The following MROH9 variants were observed in gnomAD, a reference collection of about 807,000 sequenced individuals.
MROH9 encodes the protein maestro heat-like repeat-containing protein family member 9.
In MROH9, 92 loss-of-function variants were observed where a neutral mutation model predicts 98.2. The observed-to-expected ratio is 0.94, with a 90% CI of 0.79 to 1.11. The LOEUF (loss-of-function observed/expected upper bound fraction) is 1.11, where lower values mean the gene tolerates loss of function less well. MROH9 is among the 50% of genes most tolerant of loss of function. The pLI is 0.00. For synonymous variants in MROH9, 397 were observed against 368.9 expected, an observed-to-expected ratio of 1.08 and a Z score of -0.87; for missense variants, 1,057 against 1,014.8, an observed-to-expected ratio of 1.04 and a Z score of -0.57.
At chr1:171,018,330 CA>C (rs1288697992) in intron 17 of MROH9, among the ~76,000 whole-genome samples, 3 of 149,822 alleles carry the variant, frequency 2.0e-5, no homozygotes, top group Non-Finnish European at 4.4e-5. Context: ...GCAAGAGAAA[CA>C]AAGAAACAGA....
At chr1:170,973,928 A>G (rs1327780622) in intron 8 of MROH9, among the ~76,000 whole-genome samples, 2 of 152,208 alleles carry the variant, frequency 1.3e-5, no homozygotes, top group Admixed American at 1.3e-4. Context: ...CATTCCACTT[A>G]TTAAAGGAAT....
chr1:171,041,359 G>A (rs1653293026), intron 20 of MROH9, among the ~76,000 whole-genome samples: 2 of 106,292 alleles, frequency 1.9e-5, no homozygotes, highest in Non-Finnish European at 3.9e-5. Flanking sequence ...GTGTGTGTGT[G>A]TGTGTGTGTG....
intron 3 of MROH9, among the ~76,000 whole-genome samples, chr1:170,953,071 G>T (rs955127398): frequency 3.3e-5 from 5 of 151,978 alleles, no homozygotes; most frequent in African/African-American, 1.2e-4. Flanking sequence ...ATTTCTCTTG[G>T]CATTTTGATT....
intron 7 of MROH9, 30 bp downstream of exon 7, chr1:170,965,285 G>T: frequency 7.1e-7 from 1 of 1,412,400 alleles, no homozygotes; most frequent in South Asian, 1.2e-5. Context: ...AATGCCACCT[G>T]ATTCTGAAGA....
rs201340322 is a variant in MROH9, at chr1:171,040,007, C to A, written c.2281+14587C>A. Among the ~76,000 whole-genome samples, 7 of 151,892 alleles carry A rather than the reference C, an allele frequency of 4.6e-5. No individual in the cohort carries two copies. In the East Asian group the frequency reaches 9.6e-4, roughly 21 times the overall value. On this transcript the variant is annotated intron_variant, in intron 20 of 21. Coordinates refer to ENST00000367759, the MANE Select transcript of MROH9 (RefSeq NM_001163629.2). The stretch of plus-strand genomic sequence containing the variant: ...TGGTTTGATAAGCAAAGAAAATCCT[C>A]CTTTGAGACAACATAGATGGTCCCT...
chr1:171,009,175 T>C (rs933233071), intron 15 of MROH9, among the ~76,000 whole-genome samples: 1 of 151,960 alleles, frequency 6.6e-6, no homozygotes, highest in African/African-American at 2.4e-5. Flanking sequence ...AATGAGACTC[T>C]CAAAGTACCC....
chr1:170,974,058 A>G (rs1650587631), intron 8 of MROH9, among the ~76,000 whole-genome samples: 1 of 152,178 alleles, frequency 6.6e-6, no homozygotes, highest in African/African-American at 2.4e-5. Context: ...ATTAACAAAA[A>G]CTTTGCAGAA....
Position 171,026,284 on chromosome 1 carries a change from T to C in MROH9, c.2281+864T>C, listed in dbSNP as rs1281784227. On this transcript the variant is annotated intron_variant, in intron 20 of 21. Coordinates refer to ENST00000367759, the MANE Select transcript of MROH9 (RefSeq NM_001163629.2). The stretch of plus-strand genomic sequence containing the variant: ...ACTTTCTGTCATTTTCTTTTCTTTT[T>C]TTTTTTTTAAGACAGAATCTTGCTC... Among the ~76,000 whole-genome samples the C allele has an allele frequency of 6.6e-5, 10 of 151,644 alleles. No individual in the cohort carries two copies. The South Asian group carries it at 1.5e-3, about 22-fold the overall frequency.
intron 3 of MROH9, among the ~76,000 whole-genome samples, chr1:170,957,109 A>G (rs1255079864): frequency 6.7e-6 from 1 of 150,164 alleles, no homozygotes; most frequent in Non-Finnish European, 1.5e-5. Flanking sequence ...ATTTTATCCC[A>G]TTCCATAGGT....
At chr1:171,035,280 A>G (rs1343285468) in intron 20 of MROH9, among the ~76,000 whole-genome samples, 4 of 151,822 alleles carry the variant, frequency 2.6e-5, no homozygotes, top group African/African-American at 9.6e-5. Flanking sequence ...ACGTACAAAA[A>G]ATAATAATAA....
chr1:171,031,972 A>G (rs1455538563), intron 20 of MROH9, among the ~76,000 whole-genome samples: 2 of 152,012 alleles, frequency 1.3e-5, no homozygotes, highest in Non-Finnish European at 2.9e-5. Context: ...GGCTTTCTTC[A>G]TTCCTTTTCA....
At chr1:170,988,307 G>A (rs1465207737) in intron 10 of MROH9, among the ~76,000 whole-genome samples, 1 of 152,114 alleles carries the variant, frequency 6.6e-6, no homozygotes, top group African/African-American at 2.4e-5. Context: ...AATTCATAGA[G>A]CAGGAAAGGG....
intron 7 of MROH9, among the ~76,000 whole-genome samples, chr1:170,965,489 G>A (rs16863874): frequency 0.016 from 2,395 of 152,100 alleles, 56 homozygotes; most frequent in African/African-American, 0.054. Context: ...AGAGCATGAG[G>A]GTGTTAAAAC....
In MROH9 at chr1:171,025,418, T is replaced by C. The variant is rs552986906; in HGVS notation, c.2279T>C (p.Ile760Thr). The C allele has an allele frequency of 3.1e-4, 466 of 1,525,306 alleles. 1 individual carries two copies. Among genetic ancestry groups the C allele is most frequent in the Admixed American group, 4.7e-4 (24 of 50,870 alleles). 94.5% of individuals were successfully genotyped at this position (1,525,306 alleles called of 1,614,324 possible). A position where few individuals can be genotyped will look rare whatever the true frequency, so the allele number is the denominator to read the frequency against. ...CTTAAGAGGGCATCGGTTATTTTGA[T>C]AGGTAAATATAATTCAGTTCTCAAT... ...TYLKRASVIL[I>T]GYLAKSGGHL... Residue 760 changes from isoleucine (I) to threonine (T), a missense_variant and splice_region_variant, in exon 20 of 22, where the codon ATA (isoleucine) becomes ACA (threonine). By Grantham distance (89) the Ile-to-Thr change is moderately conservative. Coordinates refer to ENST00000367759, the MANE Select transcript of MROH9 (RefSeq NM_001163629.2).
At chr1:171,019,575 C>A (rs1166214925) in intron 17 of MROH9, among the ~76,000 whole-genome samples, 1 of 151,452 alleles carries the variant, frequency 6.6e-6, no homozygotes, top group Non-Finnish European at 1.5e-5. Flanking sequence ...TGCTTAAACC[C>A]AGGAGGCGGA....
chr1:171,036,434 G>C (rs1471746346), intron 20 of MROH9, among the ~76,000 whole-genome samples: 1 of 152,002 alleles, frequency 6.6e-6, no homozygotes, highest in Admixed American at 6.6e-5. Flanking sequence ...AATTTTTGTT[G>C]CTTGTAGTGG....
intron 21 of MROH9, among the ~76,000 whole-genome samples, chr1:171,062,680 T>G (rs1654048331): frequency 6.6e-6 from 1 of 152,230 alleles, no homozygotes; most frequent in Non-Finnish European, 1.5e-5. Context: ...TATTAGTCTA[T>G]CAAAATGTTT....
At chr1:171,051,561 G>A (rs911549261) in intron 20 of MROH9, among the ~76,000 whole-genome samples, 1 of 152,054 alleles carries the variant, frequency 6.6e-6, no homozygotes, top group Non-Finnish European at 1.5e-5. Flanking sequence ...AAAAAGGGAA[G>A]GGAACAACAC....
intron 20 of MROH9, among the ~76,000 whole-genome samples, chr1:171,058,400 A>G (rs1653914923): frequency 6.6e-6 from 1 of 152,070 alleles, no homozygotes; most frequent in Admixed American, 6.5e-5. Context: ...AAGAATCAAT[A>G]TCGTGAAAAT....
Sources: gnomAD v4.1 joint callset for allele counts (sites outside exome capture counted in the v4.1 genomes callset) on GRCh38, gnomAD v4.1.1 for gene constraint, MANE v1.5 for transcripts, NCBI Gene and HGNC (gene_info 2026-07-23, HGNC 2026-07-21) for gene names.